TASP1: variants seen among roughly 807,000 people sequenced by gnomAD.
TASP1 encodes the protein taspase 1.
In TASP1, 16 loss-of-function variants were observed where a neutral mutation model predicts 56.6. The observed-to-expected ratio is 0.28, with a 90% CI of 0.19 to 0.43. TASP1 has a LOEUF of 0.43. Among genes scored for constraint, TASP1 ranks in the 20% least tolerant of loss-of-function variants. The pLI, the probability that TASP1 is intolerant of heterozygous loss-of-function variation, is 1.00. For missense variants in TASP1, 393 were observed against 511.6 expected (o/e 0.77, Z 2.24); for synonymous variants, 179 against 184.2 (o/e 0.97, Z 0.23).
the TASP1 span, among the ~76,000 whole-genome samples, chr20:13,204,902 G>A: frequency 6.6e-6 from 1 of 152,082 alleles, no homozygotes; most frequent in African/African-American, 2.4e-5. Flanking sequence ...TCTGCAGAGG[G>A]CTGGTGGCTC....
the TASP1 span, among the ~76,000 whole-genome samples, chr20:13,364,247 C>G: frequency 6.6e-6 from 1 of 152,106 alleles, no homozygotes; most frequent in African/African-American, 2.4e-5. Flanking sequence ...AAGTTTTTAC[C>G]TTTATTTAAA....
At chr20:13,306,318 A>G in the TASP1 span, among the ~76,000 whole-genome samples, 3 of 152,180 alleles carry the variant, frequency 2.0e-5, no homozygotes, top group Non-Finnish European at 2.9e-5. Context: ...TAGCTAAATC[A>G]GGTTTATTTG....
the TASP1 span, among the ~76,000 whole-genome samples, chr20:13,258,740 A>G: frequency 6.6e-6 from 1 of 152,092 alleles, no homozygotes; most frequent in Non-Finnish European, 1.5e-5. Flanking sequence ...AGGGAATTGT[A>G]TCGGGGAAAA....
chr20:13,509,564 C>T (rs368212877), intron 10 of TASP1, among the ~76,000 whole-genome samples: 6 of 152,166 alleles, frequency 3.9e-5, no homozygotes, highest in East Asian at 3.9e-4. Flanking sequence ...AATCATCTCA[C>T]GTTTTTCCAT....
the TASP1 span, among the ~76,000 whole-genome samples, chr20:13,354,508 C>G: frequency 6.6e-6 from 1 of 152,134 alleles, no homozygotes; most frequent in South Asian, 2.1e-4. Flanking sequence ...GAGTTTTAAC[C>G]AGAAATCTAC....
intron 12 of TASP1, 90 bp downstream of exon 12, chr20:13,434,954 T>G: frequency 1.1e-6 from 1 of 902,550 alleles, no homozygotes; most frequent in Non-Finnish European, 1.7e-6. Flanking sequence ...CTCCCGCAGT[T>G]TAAAATTATT....
chr20:13,331,828 C>G, the TASP1 span, among the ~76,000 whole-genome samples: 1 of 152,084 alleles, frequency 6.6e-6, no homozygotes, highest in Non-Finnish European at 1.5e-5. Flanking sequence ...TTCACAAAGA[C>G]AAGGACTGTG....
At chr20:13,558,737 T>G (rs148864473) in intron 8 of TASP1, among the ~76,000 whole-genome samples, 12 of 152,098 alleles carry the variant, frequency 7.9e-5, no homozygotes, top group African/African-American at 2.9e-4. Flanking sequence ...TAATAATTTT[T>G]CCCTGATCAT....
chr20:13,136,617 A>G, the TASP1 span, among the ~76,000 whole-genome samples: 23,126 of 139,718 alleles, frequency 0.17, 2,135 homozygotes, highest in Non-Finnish European at 0.22. Context: ...ATATATATAT[A>G]TAATATACAT....
chr20:13,218,783 G>C, the TASP1 span, among the ~76,000 whole-genome samples: 1 of 152,120 alleles, frequency 6.6e-6, no homozygotes, highest in East Asian at 1.9e-4. Flanking sequence ...TCAGAGCGTG[G>C]GTGTTTATCA....
At chr20:13,511,300 G>A (rs2044317725) in intron 10 of TASP1, among the ~76,000 whole-genome samples, 1 of 151,998 alleles carries the variant, frequency 6.6e-6, no homozygotes, top group African/African-American at 2.4e-5. Flanking sequence ...CAACAATGAA[G>A]CAACGGAGCA....
the TASP1 span, among the ~76,000 whole-genome samples, chr20:13,256,840 A>G: frequency 6.6e-6 from 1 of 152,190 alleles, no homozygotes; most frequent in South Asian, 2.1e-4. Context: ...GAAGCTTTGA[A>G]AGCCAATCGG....
chr20:13,418,623 G>A (rs1046025365), intron 12 of TASP1, among the ~76,000 whole-genome samples: 6 of 152,104 alleles, frequency 3.9e-5, no homozygotes, highest in African/African-American at 1.4e-4. Context: ...AAGAAGGATG[G>A]GCTATTTACA....
the TASP1 span, among the ~76,000 whole-genome samples, chr20:13,132,171 A>ATTTT: frequency 3.0e-4 from 31 of 103,998 alleles, 1 homozygote; most frequent in Non-Finnish European, 4.1e-4. Flanking sequence ...CCTTGCTTTA[A>ATTTT]TTTTTTTTTT....
At chr20:13,499,652 G>C (rs1363406553) in intron 10 of TASP1, among the ~76,000 whole-genome samples, 1 of 152,034 alleles carries the variant, frequency 6.6e-6, no homozygotes, top group African/African-American at 2.4e-5. Flanking sequence ...CAGAAAGACG[G>C]AAAGGAATGG....
chr20:13,627,932 G>A (rs2048954564), intron 2 of TASP1, among the ~76,000 whole-genome samples: 1 of 152,108 alleles, frequency 6.6e-6, no homozygotes, highest in Non-Finnish European at 1.5e-5. Context: ...TCTTCCTTAG[G>A]ATGTAGCAAT....
At chr20:13,170,200 G>A in the TASP1 span, among the ~76,000 whole-genome samples, 1 of 152,190 alleles carries the variant, frequency 6.6e-6, no homozygotes, top group East Asian at 1.9e-4. Context: ...TGGAAGGCAA[G>A]TATATTCAAG....
chr20:13,234,957 G>A, the TASP1 span, among the ~76,000 whole-genome samples: 6 of 152,264 alleles, frequency 3.9e-5, no homozygotes, highest in East Asian at 9.6e-4. Flanking sequence ...TCATATGCAG[G>A]TCATGGTTTG....
chr20:13,601,940 G>C (rs1405241863), intron 4 of TASP1, among the ~76,000 whole-genome samples: 1 of 124,958 alleles, frequency 8.0e-6, no homozygotes, highest in African/African-American at 3.2e-5. Context: ...GCAGTGGCTC[G>C]ATCTCCACTC....
Sources: allele counts gnomAD v4.1 joint callset (sites outside exome capture counted in the v4.1 genomes callset), GRCh38; gene constraint gnomAD v4.1.1; transcripts MANE v1.5; gene names NCBI Gene and HGNC (gene_info 2026-07-23, HGNC 2026-07-21).